Variants in HSPA4L observed in about 807,000 individuals in gnomAD.
HSPA4L encodes the protein heat shock protein family A (Hsp70) member 4 like.
Under a neutral mutation model 100.3 loss-of-function variants are expected in HSPA4L, and 48 were observed. The observed-to-expected ratio is 0.48, with a 90% confidence interval of 0.38 to 0.61. The LOEUF is 0.61. HSPA4L is among the 20% of genes least tolerant of loss of function. The pLI is 0.00. For missense variants in HSPA4L, 886 were observed against 988.6 expected (o/e 0.90, Z 1.39); for synonymous variants, 319 against 328.2 (o/e 0.97, Z 0.30).
chr4:127,822,114 CA>C (rs1275684843), intron 14 of HSPA4L, among the ~76,000 whole-genome samples: 1 of 152,138 alleles, frequency 6.6e-6, no homozygotes, highest in Non-Finnish European at 1.5e-5. Flanking sequence ...GTGCATCCAT[CA>C]CCACTGTCTA....
chr4:127,804,654 C>G (rs1318452863), intron 8 of HSPA4L, among the ~76,000 whole-genome samples: 1 of 150,854 alleles, frequency 6.6e-6, no homozygotes, highest in Non-Finnish European at 1.5e-5. Flanking sequence ...CACACTCATG[C>G]TAGTTCTATT....
chr4:127,813,321 A>G, intron 12 of HSPA4L: 2 of 641,280 alleles, frequency 3.1e-6, no homozygotes, highest in African/African-American at 1.8e-5. Context: ...ATTACTATGC[A>G]TCTTTCTTCC....
rs1279174383 is a variant in HSPA4L, at chr4:127,835,054, AAG to A, written c.*2185_*2186del. The A allele has an allele frequency of 2.0e-5, 3 of 152,206 alleles. No homozygotes were observed. The highest frequency in any genetic ancestry group is 4.8e-5 in the African/African-American group (2 of 41,448). The allele number at this position is 152,206 out of a possible 1,614,324, so 9.4% of individuals were successfully genotyped here. Reference sequence around the variant, plus strand: ...ATTTATTTATTTAATTCATTAATGAAAGAGAGTGCTCTCTTTAATGCAGCTTT... The same window carrying A: ...ATTTATTTATTTAATTCATTAATGAAAGAGTGCTCTCTTTAATGCAGCTTT... On this transcript the variant is annotated 3_prime_UTR_variant, in exon 19 of 19. Coordinates refer to ENST00000296464, the MANE Select transcript of HSPA4L (RefSeq NM_014278.4).
At chr4:127,816,346 A>G (rs1017196130) in intron 12 of HSPA4L, among the ~76,000 whole-genome samples, 2 of 152,214 alleles carry the variant, frequency 1.3e-5, no homozygotes, top group Non-Finnish European at 2.9e-5. Flanking sequence ...ACAGTTTATT[A>G]CCATTTCATA....
At chr4:127,784,180 A>G (rs965140689) in intron 1 of HSPA4L, among the ~76,000 whole-genome samples, 15 of 152,258 alleles carry the variant, frequency 9.9e-5, no homozygotes, top group Admixed American at 2.6e-4. Context: ...GGGGTTAAAA[A>G]TGGGAGCAAT....
chr4:127,823,676 A>G, intron 16 of HSPA4L, 52 bp downstream of exon 16: 1 of 1,107,946 alleles, frequency 9.0e-7, no homozygotes, highest in Non-Finnish European at 1.3e-6. Context: ...TTTTCTAAAA[A>G]TTAGGGTGTA....
At position 127,834,933 on chromosome 4, in the gene HSPA4L, C is replaced by G; in HGVS notation, c.*2059C>G. 1 of 152,114 alleles carries G rather than the reference C, an allele frequency of 6.6e-6. No individual in the cohort carries two copies. The highest frequency in any genetic ancestry group is 1.5e-5 in the Non-Finnish European group (1 of 68,004). The allele number at this position is 152,114 out of a possible 1,614,324, so 9.4% of individuals were successfully genotyped here. A position where few individuals can be genotyped will look rare whatever the true frequency, so the allele number is the denominator to read the frequency against. On this transcript the variant is annotated 3_prime_UTR_variant, in exon 19 of 19. Transcript: ENST00000296464. ...CACTAATTTTTGTAATTATATAACA[C>G]TTCATTTAATAACTTATATACATCC...
intron 11 of HSPA4L, among the ~76,000 whole-genome samples, chr4:127,811,193 T>C (rs1434135093): frequency 6.6e-6 from 1 of 151,378 alleles, no homozygotes; most frequent in Non-Finnish European, 1.5e-5. Flanking sequence ...TTTTTTTTTT[T>C]CCTAGCATTG....
chr4:127,784,082 C>T (rs1167981590), intron 1 of HSPA4L, among the ~76,000 whole-genome samples: 9 of 152,216 alleles, frequency 5.9e-5, no homozygotes, highest in Non-Finnish European at 1.3e-4. Context: ...ATGAATTCGT[C>T]TCTACAAGGT....
chr4:127,832,965 G>A lies in HSPA4L; in HGVS notation c.*91G>A. 1 of 889,840 alleles carries A rather than the reference G, an allele frequency of 1.1e-6. No individual in the cohort carries two copies. Among genetic ancestry groups the A allele is most frequent in the Non-Finnish European group, 1.6e-6 (1 of 610,912 alleles). 55.1% of individuals were successfully genotyped at this position (889,840 alleles called of 1,614,324 possible). A position where few individuals can be genotyped will look rare whatever the true frequency, so the allele number is the denominator to read the frequency against. ...TGGTACACACAACAGACGCTCAGTT[G>A]TTCTTAACCACTTTTGTCATTTGTT... On this transcript the variant is annotated 3_prime_UTR_variant, in exon 19 of 19. Coordinates refer to ENST00000296464, the MANE Select transcript of HSPA4L (RefSeq NM_014278.4).
intron 1 of HSPA4L, among the ~76,000 whole-genome samples, chr4:127,787,536 A>G (rs964255422): frequency 1.3e-5 from 2 of 152,150 alleles, no homozygotes; most frequent in Non-Finnish European, 2.9e-5. Flanking sequence ...ATTTTTTAAC[A>G]AAAGCAGAAT....
chr4:127,809,478 A>C (rs113541021), intron 11 of HSPA4L: 16 of 1,107,678 alleles, frequency 1.4e-5, no homozygotes, highest in African/African-American at 6.1e-5. Flanking sequence ...CCCAGAATGA[A>C]GAAAATATTT....
At chr4:127,802,151 A>G (rs771167055) in intron 6 of HSPA4L, among the ~76,000 whole-genome samples, 1 of 152,188 alleles carries the variant, frequency 6.6e-6, no homozygotes, top group Admixed American at 6.5e-5. Context: ...AGCCTGGCAT[A>G]GGGTAGCTGC....
At chr4:127,804,156 A>T in intron 8 of HSPA4L, 69 bp downstream of exon 8, 1 of 1,198,174 alleles carries the variant, frequency 8.3e-7, no homozygotes, top group Non-Finnish European at 1.2e-6. Context: ...GTAGATAATG[A>T]TAAAATAAAT....
intron 8 of HSPA4L, among the ~76,000 whole-genome samples, chr4:127,804,298 T>C (rs1333948927): frequency 1.3e-5 from 2 of 152,178 alleles, no homozygotes; most frequent in Admixed American, 6.6e-5. Context: ...TCTTATTGTT[T>C]ATATCATAAA....
chr4:127,804,929 A>G lies in HSPA4L; in HGVS notation c.986-144A>G. Reference sequence around the variant, plus strand: ...ACATAAATAATATTTATTAAATGTTATATCTTTCTAAAAATTGTATTTTTC... The same window carrying G: ...ACATAAATAATATTTATTAAATGTTGTATCTTTCTAAAAATTGTATTTTTC... On this transcript the variant is annotated intron_variant, in intron 8 of 18. Coordinates refer to ENST00000296464, the MANE Select transcript of HSPA4L (RefSeq NM_014278.4). The G allele has an allele frequency of 7.1e-6, 4 of 561,544 alleles. No homozygotes were observed. In the South Asian group the frequency reaches 1.1e-4, roughly 15 times the overall value. The allele number at this position is 561,544 out of a possible 1,614,324, so 34.8% of individuals were successfully genotyped here.
intron 12 of HSPA4L, among the ~76,000 whole-genome samples, chr4:127,815,471 A>G (rs1733648667): frequency 6.6e-6 from 1 of 151,752 alleles, no homozygotes; most frequent in South Asian, 2.1e-4. Flanking sequence ...GTTTGAGTCC[A>G]GCCTGGATAA....
chr4:127,789,373 A>G (rs1477294405), intron 1 of HSPA4L, among the ~76,000 whole-genome samples: 5 of 152,162 alleles, frequency 3.3e-5, no homozygotes, highest in South Asian at 2.1e-4. Context: ...CTGGCCGGGC[A>G]CGGTGGCTCA....
rs1354540524 is a variant in HSPA4L, at chr4:127,836,464, G to A, written c.*3590G>A. The A allele has an allele frequency of 6.6e-6, 1 of 151,844 alleles. No individual in the cohort carries two copies. Among genetic ancestry groups the A allele is most frequent in the African/African-American group, 2.4e-5 (1 of 41,344 alleles). The allele number at this position is 151,844 out of a possible 1,614,324, so 9.4% of individuals were successfully genotyped here. On this transcript the variant is annotated 3_prime_UTR_variant, in exon 19 of 19. Coordinates refer to ENST00000296464, the MANE Select transcript of HSPA4L (RefSeq NM_014278.4). Reference sequence around the variant, plus strand: ...AGGTTTCTTATGCTTTTTTGGGGGGGGGTGTCAATTTTTAGTATATTAAGA... The same window carrying A: ...AGGTTTCTTATGCTTTTTTGGGGGGAGGTGTCAATTTTTAGTATATTAAGA...
Sources: gnomAD v4.1 joint callset for allele counts (sites outside exome capture counted in the v4.1 genomes callset) on GRCh38, gnomAD v4.1.1 for gene constraint, MANE v1.5 for transcripts, NCBI Gene and HGNC (gene_info 2026-07-23, HGNC 2026-07-21) for gene names.